The following NPAT variants were observed in gnomAD, a reference collection of about 807,000 sequenced individuals.
The protein encoded by NPAT is nuclear protein, coactivator of histone transcription, also known as protein NPAT.
In NPAT, 52 loss-of-function variants were observed where a neutral mutation model predicts 130.7. That is an observed-to-expected ratio of 0.40 (90% confidence interval 0.32 to 0.50). NPAT has a LOEUF of 0.50. Ranked by LOEUF, NPAT falls within the 20% of genes least tolerant of loss-of-function variation. The pLI, the probability that NPAT is intolerant of heterozygous loss-of-function variation, is 0.68. For synonymous variants in NPAT, 580 were observed against 584.8 expected, an observed-to-expected ratio of 0.99 and a Z score of 0.12; for missense variants, 1,687 against 1,662.6, an observed-to-expected ratio of 1.01 and a Z score of -0.26.
intron 1 of NPAT, among the ~76,000 whole-genome samples, chr11:108,211,202 G>A (rs2078380498): frequency 6.6e-6 from 1 of 151,324 alleles, no homozygotes; most frequent in Admixed American, 6.6e-5. Flanking sequence ...GCAACAGAGT[G>A]AGACACCGTC....
Position 108,173,000 on chromosome 11 carries a change from G to T in NPAT, c.1984C>A (p.Pro662Thr), listed in dbSNP as rs1420070144. The change falls in exon 13 of 18, where the codon CCT becomes ACT. Residue 662 changes from proline to threonine, a missense_variant. This residue lies in a region of NPAT where 1,379 missense variants were observed against 1,346.6 expected (regional missense o/e 1.02). Coordinates refer to ENST00000278612, the MANE Select transcript of NPAT (RefSeq NM_002519.3). ...TTCTCTTCTTTTACAGAAGATGAAG[G>T]CTCCTGTGAATTCTCAGACTTGGAT... is the stretch of plus-strand genomic sequence containing the variant. ...QASKSENSQE[P>T]SSSVKEENTI... 2.5e-6 allele frequency: 4 copies of T among 1,613,860 alleles called. No homozygotes were observed. The South Asian group carries it at 3.3e-5, about 13-fold the overall frequency.
rs577691381 is a variant in NPAT at position 108,173,646 on chromosome 11, G to T, written c.1338C>A (p.Ser446=). The T allele has an allele frequency of 6.2e-7, 1 of 1,614,082 alleles. No homozygotes were observed. Among genetic ancestry groups the T allele is most frequent in the East Asian group, 2.2e-5 (1 of 44,870 alleles). The change falls in exon 13 of 18, where the codon TCC becomes TCA. Residue 446 remains serine (S), a synonymous_variant. Transcript: ENST00000278612. ...QKCDIDITFE[S]VPNLNDFNQR... is the part of the protein sequence containing the mutation. ...GGTTAAAGTCATTCAAATTAGGCACGGACTCAAAGGTAATGTCAATGTCAC... is the reference window on the plus strand; with the variant it reads ...GGTTAAAGTCATTCAAATTAGGCACTGACTCAAAGGTAATGTCAATGTCAC...
chr11:108,219,069 C>A (rs539034463), intron 1 of NPAT, among the ~76,000 whole-genome samples: 3 of 152,236 alleles, frequency 2.0e-5, no homozygotes, highest in Admixed American at 6.5e-5. Flanking sequence ...GTTCTTGACC[C>A]TTCTGTCGCT....
chr11:108,200,060 G>GAAAGAAA (rs2078260150), intron 1 of NPAT, among the ~76,000 whole-genome samples: 1 of 152,198 alleles, frequency 6.6e-6, no homozygotes, highest in African/African-American at 2.4e-5. Flanking sequence ...AGGATGCAAT[G>GAAAGAAA]ACTGAGAGTT....
rs1051523 is a variant in NPAT at position 108,172,953 on chromosome 11, A to C, written c.2031T>G (p.Gly677=). Residue 677 remains glycine, a synonymous_variant, in exon 13 of 18, where the codon GGT becomes GGG. Transcript: ENST00000278612. ...KEENTIFLSL[G]GNANCEKVAL... is the part of the protein sequence containing the mutation. ...CAACTTTCTCACAGTTAGCATTTCC[A>C]CCTAAAGAGAGAAAAATAGTATTCT... The C allele has an allele frequency of 6.2e-7, 1 of 1,613,994 alleles. No individual in the cohort carries two copies. Among genetic ancestry groups the C allele is most frequent in the Non-Finnish European group, 8.5e-7 (1 of 1,180,030 alleles).
At chr11:108,205,219 A>C (rs1227830250) in intron 1 of NPAT, among the ~76,000 whole-genome samples, 1 of 152,244 alleles carries the variant, frequency 6.6e-6, no homozygotes, top group East Asian at 1.9e-4. Flanking sequence ...TGATTGTTGA[A>C]GAAAAAAGAT....
Position 108,189,294 on chromosome 11 carries a change from T to G in NPAT, c.368A>C (p.Gln123Pro). 6.2e-7 allele frequency: 1 copy of G among 1,614,214 alleles called. No homozygotes were observed. Residue 123 changes from glutamine to proline, a missense_variant, in exon 6 of 18, where the codon CAG becomes CCG. Gln to Pro is a moderately conservative substitution (Grantham distance 76, BLOSUM62 -1). Around this residue, in one of 3 missense-constraint regions of NPAT, gnomAD observed 307 missense variants for 298.9 expected, o/e 1.03. Coordinates refer to ENST00000278612, the MANE Select transcript of NPAT (RefSeq NM_002519.3). ...TRTGIAEIKR[Q>P]RKLASQTAPA... ...AGCTGTTTGAGATGCAAGCTTTCTC[T>G]GCCGTTTGATTTCTGCAATTCCAGT...
chr11:108,214,876 G>A (rs906272577), intron 1 of NPAT, among the ~76,000 whole-genome samples: 2 of 152,044 alleles, frequency 1.3e-5, no homozygotes, highest in African/African-American at 2.4e-5. Context: ...CAGGTGATTT[G>A]CCCGCCTCGG....
intron 1 of NPAT, among the ~76,000 whole-genome samples, chr11:108,200,481 C>T (rs766593141): frequency 8.5e-5 from 13 of 152,174 alleles, no homozygotes; most frequent in Admixed American, 2.6e-4. Flanking sequence ...CTCTTTGTCT[C>T]ACCCTAGTGC....
chr11:108,182,946 G>T (rs1229616624), intron 10 of NPAT, among the ~76,000 whole-genome samples: 2 of 152,188 alleles, frequency 1.3e-5, no homozygotes, highest in Non-Finnish European at 2.9e-5. Context: ...TAAGCAAAAA[G>T]TTGGAGAACA....
chr11:108,218,746 C>CA (rs1373565799), intron 1 of NPAT, among the ~76,000 whole-genome samples: 7 of 152,040 alleles, frequency 4.6e-5, no homozygotes, highest in Non-Finnish European at 8.8e-5. Flanking sequence ...TTGGGAATCC[C>CA]AAAGAAGCTG....
intron 15 of NPAT, among the ~76,000 whole-genome samples, chr11:108,166,157 G>GCC (rs2077900847): frequency 6.6e-6 from 1 of 150,982 alleles, no homozygotes; most frequent in Non-Finnish European, 1.5e-5. Flanking sequence ...ACTTTGGGAG[G>GCC]CCGAGGTGGG....
chr11:108,219,447 A>C (rs919394573), intron 1 of NPAT, among the ~76,000 whole-genome samples: 2 of 152,260 alleles, frequency 1.3e-5, no homozygotes, highest in Non-Finnish European at 1.5e-5. Flanking sequence ...TCTCTCATTA[A>C]ATCTTTCCAT....
rs184196739 is a variant in NPAT at position 108,201,633 on chromosome 11, T to C, written c.38-4213A>G. ...CCTCCGGGCAGTCACAGCAGTAACC[T>C]TGTCAGTACCAGAGGCCACTAAGGT... On this transcript the variant is annotated intron_variant, in intron 1 of 17. Transcript: ENST00000278612. Among the ~76,000 whole-genome samples, 15 of 152,296 alleles carry C rather than the reference T, an allele frequency of 9.8e-5. No homozygotes were observed. The East Asian group carries it at 2.3e-3, about 24-fold the overall frequency.
At chr11:108,166,146 C>A (rs2077900807) in intron 15 of NPAT, among the ~76,000 whole-genome samples, 1 of 151,582 alleles carries the variant, frequency 6.6e-6, no homozygotes, top group Non-Finnish European at 1.5e-5. Context: ...GTAATCCCAG[C>A]ACTTTGGGAG....
chr11:108,192,186 T>C lies in NPAT; in HGVS notation c.222A>G (p.Thr74=). The change falls in exon 4 of 18, where the codon ACA becomes ACG. Residue 74 remains threonine (T), a synonymous_variant. Coordinates refer to ENST00000278612, the MANE Select transcript of NPAT (RefSeq NM_002519.3). ...ACATTATTGCTGGGACATTATTTGATGTTTCTAAATCATAGGAGAAAAGGT... is the reference window on the plus strand; with the variant it reads ...ACATTATTGCTGGGACATTATTTGACGTTTCTAAATCATAGGAGAAAAGGT... The part of the protein sequence containing the change: ...NEYVAMKTKE[T]SNNVPAIMSS... 9 of 1,597,334 alleles carry C rather than the reference T, an allele frequency of 5.6e-6. No homozygotes were observed. Among genetic ancestry groups the C allele is most frequent in the African/African-American group, 4.0e-5 (3 of 74,676 alleles).
At chr11:108,194,106 A>G in intron 2 of NPAT, 89 bp from the exon 3 acceptor site, 1 of 769,296 alleles carries the variant, frequency 1.3e-6, no homozygotes, top group South Asian at 1.6e-5. Context: ...CAACTTAATA[A>G]AAGATCTGAC....
Position 108,172,521 on chromosome 11 carries a change from G to A in NPAT, c.2463C>T (p.Asp821=), listed in dbSNP as rs2077961801. The A allele has an allele frequency of 1.2e-6, 2 of 1,614,084 alleles. No individual in the cohort carries two copies. The highest frequency in any genetic ancestry group is 2.7e-5 in the African/African-American group (2 of 74,940). Residue 821 remains aspartate, a synonymous_variant, in exon 13 of 18, where the codon GAC becomes GAT. Transcript: ENST00000278612. ...CATTCTGAGTATTGTTTACTGCAGA[G>A]TCTTCAGATTTGAATGTTAAAAGAC... is the stretch of plus-strand genomic sequence containing the variant. ...EQSLLTFKSE[D]SAVNNTQNED...
rs190044663 is a variant in NPAT at position 108,206,425 on chromosome 11, C to T, written c.38-9005G>A. 1.8e-3 allele frequency among the ~76,000 whole-genome samples: 272 copies of T among 152,246 alleles called. 2 individuals are homozygous for T. The highest frequency in any genetic ancestry group is 6.3e-3 in the African/African-American group (261 of 41,518). On this transcript the variant is annotated intron_variant, in intron 1 of 17. Transcript: ENST00000278612. Reference sequence around the variant, plus strand: ...GGGGTGTATGAGTGAGCTCAGCCACCGAGCATAGTCAGGCATGTTGGATGC... The same window carrying T: ...GGGGTGTATGAGTGAGCTCAGCCACTGAGCATAGTCAGGCATGTTGGATGC...
Sources: gnomAD v4.1 joint callset for allele counts (sites outside exome capture counted in the v4.1 genomes callset) on GRCh38, gnomAD v4.1.1 for gene constraint, gnomAD v4.1.1 regional missense constraint, MANE v1.5 for transcripts, NCBI Gene and HGNC (gene_info 2026-07-23, HGNC 2026-07-21) for gene names.